CFAP299: variants seen among roughly 807,000 people sequenced by gnomAD.
The protein encoded by CFAP299 is cilia and flagella associated protein 299.
In CFAP299, 21 loss-of-function variants were observed where a neutral mutation model predicts 27.0. The observed-to-expected ratio is 0.78, with a 90% confidence interval of 0.55 to 1.12. The LOEUF is 1.12. Ranked by LOEUF, CFAP299 falls within the 50% of genes most tolerant of loss-of-function variation. CFAP299 has a pLI of 0.00. For synonymous variants in CFAP299, 104 were observed against 98.1 expected, an observed-to-expected ratio of 1.06 and a Z score of -0.36; for missense variants, 310 against 276.6, an observed-to-expected ratio of 1.12 and a Z score of -0.86.
At chr4:80,695,157 A>T (rs941715290) in intron 3 of CFAP299, among the ~76,000 whole-genome samples, 2 of 152,198 alleles carry the variant, frequency 1.3e-5, no homozygotes, top group African/African-American at 4.8e-5. Flanking sequence ...TTTCTATATT[A>T]AGTCCACATC....
intron 2 of CFAP299, among the ~76,000 whole-genome samples, chr4:80,482,495 T>A (rs553799281): frequency 1.3e-5 from 2 of 152,256 alleles, no homozygotes; most frequent in East Asian, 3.9e-4. Context: ...AACTTATGCA[T>A]TTTAGAAATT....
chr4:80,370,036 G>C (rs12171340), intron 2 of CFAP299, among the ~76,000 whole-genome samples: 127,499 of 152,156 alleles, frequency 0.84, 53,583 homozygotes, highest in African/African-American at 0.91. Context: ...GATTCTGCAG[G>C]CTATACAGGA....
At chr4:80,329,682 C>A in the CFAP299 span, among the ~76,000 whole-genome samples, 1 of 151,964 alleles carries the variant, frequency 6.6e-6, no homozygotes, top group South Asian at 2.1e-4. Flanking sequence ...CTTAGAAAGT[C>A]TAGTGATTTT....
rs187058650 is a variant in CFAP299 at position 80,339,608 on chromosome 4, G to A, written c.111+3729G>A. On this transcript the variant is annotated intron_variant, in intron 1 of 5. Coordinates refer to ENST00000358105, the MANE Select transcript of CFAP299 (RefSeq NM_152770.3). Reference sequence around the variant, plus strand: ...GCTTATTTTACTGAATAGCTTCAAAGCATCAAAAGAAATGCATCACTGTAT... The same window carrying A: ...GCTTATTTTACTGAATAGCTTCAAAACATCAAAAGAAATGCATCACTGTAT... Among the ~76,000 whole-genome samples, 10 of 152,302 alleles carry A rather than the reference G, an allele frequency of 6.6e-5. No individual in the cohort carries two copies. In the East Asian group the frequency reaches 1.7e-3, roughly 26 times the overall value.
At chr4:80,953,424 G>C (rs999568101) in intron 5 of CFAP299, among the ~76,000 whole-genome samples, 3 of 152,096 alleles carry the variant, frequency 2.0e-5, no homozygotes, top group Non-Finnish European at 2.9e-5. Flanking sequence ...TCTCCTCTGG[G>C]TAATCACCTG....
intron 3 of CFAP299, among the ~76,000 whole-genome samples, chr4:80,586,752 C>G (rs1736465371): frequency 6.6e-6 from 1 of 152,104 alleles, no homozygotes; most frequent in African/African-American, 2.4e-5. Context: ...TAAAACATTT[C>G]CTTTCTAATC....
At chr4:80,441,821 G>T (rs993046930) in intron 2 of CFAP299, among the ~76,000 whole-genome samples, 5 of 152,150 alleles carry the variant, frequency 3.3e-5, no homozygotes, top group African/African-American at 1.2e-4. Context: ...CTACTCATGT[G>T]CAAAAACACA....
chr4:80,799,511 T>C (rs1483409273), intron 3 of CFAP299, among the ~76,000 whole-genome samples: 1 of 80,202 alleles, frequency 1.2e-5, no homozygotes, highest in Non-Finnish European at 2.1e-5. Context: ...TTTATAAATG[T>C]ATATTTATAT....
intron 2 of CFAP299, among the ~76,000 whole-genome samples, chr4:80,520,568 T>C (rs1732858787): frequency 6.6e-6 from 1 of 152,168 alleles, no homozygotes; most frequent in Non-Finnish European, 1.5e-5. Flanking sequence ...GCAATGCAGC[T>C]TCACCAAATC....
At chr4:80,408,039 C>T (rs978716623) in intron 2 of CFAP299, among the ~76,000 whole-genome samples, 2 of 152,142 alleles carry the variant, frequency 1.3e-5, no homozygotes, top group African/African-American at 4.8e-5. Context: ...TAGAGTCTCA[C>T]ATTTTCTTGT....
At position 80,726,932 on chromosome 4, in the gene CFAP299, T is replaced by A. The variant is rs561803290; in HGVS notation, c.334-143061T>A. ...AGGAATACTTTCCATGATTAATGTT[T>A]TTCTTTTAGTTCACTAATTTAGTTC... On this transcript the variant is annotated intron_variant, in intron 3 of 5. Transcript: ENST00000358105. Among the ~76,000 whole-genome samples the A allele has an allele frequency of 5.6e-4, 86 of 152,294 alleles. 4 individuals carry two copies. In the South Asian group the frequency reaches 0.016, roughly 28 times the overall value.
chr4:80,536,855 A>T (rs893803451), intron 2 of CFAP299, among the ~76,000 whole-genome samples: 2 of 152,090 alleles, frequency 1.3e-5, no homozygotes, highest in Non-Finnish European at 2.9e-5. Context: ...CAGCAAAATA[A>T]ACAAGTGGGA....
intron 5 of CFAP299, among the ~76,000 whole-genome samples, chr4:80,961,109 C>A (rs1482255586): frequency 6.6e-6 from 1 of 150,534 alleles, no homozygotes; most frequent in Non-Finnish European, 1.5e-5. Context: ...AAAAAAAAAA[C>A]ACAATTACTG....
intron 2 of CFAP299, among the ~76,000 whole-genome samples, chr4:80,488,604 G>A (rs905384629): frequency 6.6e-6 from 1 of 151,514 alleles, no homozygotes; most frequent in Non-Finnish European, 1.5e-5. Context: ...CTCCCTAGTA[G>A]CTGGGACTAA....
chr4:80,799,659 T>A (rs1432169124), intron 3 of CFAP299, among the ~76,000 whole-genome samples: 1 of 17,698 alleles, frequency 5.7e-5, no homozygotes, highest in Non-Finnish European at 8.3e-5. Context: ...TTTTATATAT[T>A]ATATTTTATA....
chr4:80,541,815 A>G (rs985733811), intron 2 of CFAP299, among the ~76,000 whole-genome samples: 2 of 152,142 alleles, frequency 1.3e-5, no homozygotes, highest in Admixed American at 6.5e-5. Context: ...AAAGGATCCA[A>G]TGAATTTATG....
intron 3 of CFAP299, among the ~76,000 whole-genome samples, chr4:80,774,945 A>C (rs1726438363): frequency 6.6e-6 from 1 of 152,004 alleles, no homozygotes; most frequent in African/African-American, 2.4e-5. Context: ...CATTTGGTGA[A>C]TATTGCTATT....
chr4:80,601,139 T>A (rs1272221088), intron 3 of CFAP299, among the ~76,000 whole-genome samples: 3 of 152,170 alleles, frequency 2.0e-5, no homozygotes, highest in Non-Finnish European at 4.4e-5. Context: ...AGCTTTTAGT[T>A]AGCAGATAAT....
intron 3 of CFAP299, among the ~76,000 whole-genome samples, chr4:80,786,844 C>T (rs1011858941): frequency 6.6e-6 from 1 of 152,054 alleles, no homozygotes; most frequent in Non-Finnish European, 1.5e-5. Flanking sequence ...GCTACCAATG[C>T]TTAAATCTGG....
Sources: allele counts gnomAD v4.1 joint callset (sites outside exome capture counted in the v4.1 genomes callset), GRCh38; gene constraint gnomAD v4.1.1; transcripts MANE v1.5; gene names NCBI Gene and HGNC (gene_info 2026-07-23, HGNC 2026-07-21).